The following DUSP18 variants were observed in gnomAD, a reference collection of about 807,000 sequenced individuals.
DUSP18 encodes dual specificity protein phosphatase 18.
In DUSP18, 4 loss-of-function variants were observed where a neutral mutation model predicts 6.3. The ratio of observed to expected loss-of-function variants is 0.63; its 90% CI spans 0.31 to 1.45. The LOEUF (loss-of-function observed/expected upper bound fraction) is 1.45. DUSP18 is among the 40% of genes most tolerant of loss of function. The probability of loss-of-function intolerance (pLI) is 0.07; values close to 1 mark genes in which losing one functional copy is unlikely to be tolerated. For synonymous variants in DUSP18, 96 were observed against 95.1 expected (o/e 1.01, Z -0.05); for missense variants, 235 against 247.7 (o/e 0.95, Z 0.34).
intron 2 of DUSP18, chr22:30,653,861 A>G (rs1035309198): frequency 6.5e-6 from 1 of 154,862 alleles, no homozygotes; most frequent in Non-Finnish European, 1.4e-5. Context: ...TGAGGAGTAA[A>G]CAGTCTTTAT....
downstream of DUSP18, among the ~76,000 whole-genome samples, chr22:30,660,311 A>AAT (rs1555900647): frequency 1.6e-4 from 24 of 151,132 alleles, 4 homozygotes; most frequent in Admixed American, 1.5e-3. Context: ...AGAGAAAAAA[A>AAT]TTTTTTTTTT....
intron 2 of DUSP18, among the ~76,000 whole-genome samples, chr22:30,653,622 C>T (rs896622541): frequency 6.6e-6 from 1 of 152,044 alleles, no homozygotes; most frequent in Admixed American, 6.6e-5. Flanking sequence ...ACCCGCCCCC[C>T]CTCGGCCTCC....
intron 2 of DUSP18, among the ~76,000 whole-genome samples, chr22:30,653,083 C>A (rs5994329): frequency 0.19 from 29,147 of 152,124 alleles, 3,551 homozygotes; most frequent in African/African-American, 0.33. Context: ...CCTCCCTAAC[C>A]AAGTATTGCA....
rs140868621 is a variant in DUSP18, at chr22:30,652,177, G to T, written c.*154C>A. On this transcript the variant is annotated 3_prime_UTR_variant, in exon 3 of 3. Transcript: ENST00000404885. ...ACAGGAGTGCTGATTGGTCAGGGAT[G>T]AAATCACAGGATGTTGAAGCTGTTT... The T allele has an allele frequency of 6.6e-5, 10 of 152,342 alleles. No homozygotes were observed. The East Asian group carries it at 1.9e-3, about 29-fold the overall frequency. The allele number at this position is 152,342 out of a possible 1,614,324, so 9.4% of individuals were successfully genotyped here. A position where few individuals can be genotyped will look rare whatever the true frequency, so the allele number is the denominator to read the frequency against.
Position 30,667,645 on chromosome 22 carries a change from G to C in DUSP18, c.-261C>G, listed in dbSNP as rs1423527445. ...AGGAATAGCCTGTGCCGGGTCTTCA[G>C]AGAAATCCTGGCCTCGGCTCCACGC... On this transcript the variant is annotated 5_prime_UTR_variant, in exon 1 of 2. Coordinates refer to ENST00000334679, the MANE Select transcript of DUSP18 (RefSeq NM_152511.5). The C allele has an allele frequency of 1.3e-5, 2 of 152,698 alleles. No individual in the cohort carries two copies. Among genetic ancestry groups the C allele is most frequent in the African/African-American group, 2.4e-5 (1 of 41,472 alleles). 9.5% of individuals were successfully genotyped at this position (152,698 alleles called of 1,614,324 possible). A position where few individuals can be genotyped will look rare whatever the true frequency, so the allele number is the denominator to read the frequency against.
At chr22:30,658,190 C>T (rs1379900130), downstream of DUSP18, among the ~76,000 whole-genome samples, 1 of 151,460 alleles carries the variant, frequency 6.6e-6, no homozygotes, top group Non-Finnish European at 1.5e-5. Flanking sequence ...TCTGTCTCTC[C>T]CACTGGCTGC....
downstream of DUSP18, among the ~76,000 whole-genome samples, chr22:30,658,802 G>T (rs535678554): frequency 6.6e-6 from 1 of 152,098 alleles, no homozygotes. Flanking sequence ...CTGCTCACTG[G>T]GGGGCATAAG....
At chr22:30,653,339 G>A (rs1045294989) in intron 2 of DUSP18, among the ~76,000 whole-genome samples, 5 of 151,240 alleles carry the variant, frequency 3.3e-5, no homozygotes, top group African/African-American at 1.2e-4. Flanking sequence ...GCCCTATCCC[G>A]ACTGCCACAA....
chr22:30,663,843 A>T lies in DUSP18; in HGVS notation c.161T>A (p.Val54Glu). ...CTCATACAAGGTGTTCACTACCTCC[A>T]CTGAGACATTGATGACCATGGTGAT... ...NQITMVINVSVEVVNTLYEDI... is the reference protein window; with the variant it reads ...NQITMVINVSEEVVNTLYEDI... The change falls in exon 2 of 2, where the codon GTG becomes GAG. Residue 54 changes from valine to glutamate, a missense_variant. By Grantham distance (121) the Val-to-Glu change is moderately radical. Coordinates refer to ENST00000334679, the MANE Select transcript of DUSP18 (RefSeq NM_152511.5). 2.5e-6 allele frequency: 4 copies of T among 1,614,214 alleles called. No homozygotes were observed. Among genetic ancestry groups the T allele is most frequent in the Non-Finnish European group, 2.5e-6 (3 of 1,180,036 alleles).
chr22:30,659,335 G>A (rs1163021524), downstream of DUSP18, among the ~76,000 whole-genome samples: 4 of 152,096 alleles, frequency 2.6e-5, no homozygotes, highest in African/African-American at 9.7e-5. Context: ...TGGACCCTGA[G>A]ATGACCCAGA....
In DUSP18 at chr22:30,664,053, C is replaced by T. The variant is rs1375688418; in HGVS notation, c.-50G>A. On this transcript the variant is annotated 5_prime_UTR_variant, in exon 2 of 2. Coordinates refer to ENST00000334679, the MANE Select transcript of DUSP18 (RefSeq NM_152511.5). ...AGTCAGCGAAGCACGAAGGCTGCGT[C>T]TTTCTGCTAGGCTGTGTCCATGGAA... 1 of 1,524,218 alleles carries T rather than the reference C, an allele frequency of 6.6e-7. No individual in the cohort carries two copies. The highest frequency in any genetic ancestry group is 1.4e-5 in the African/African-American group (1 of 73,172). The allele number at this position is 1,524,218 out of a possible 1,614,324, so 94.4% of individuals were successfully genotyped here. A position where few individuals can be genotyped will look rare whatever the true frequency, so the allele number is the denominator to read the frequency against.
At position 30,663,909 on chromosome 22, in the gene DUSP18, CCATTG is replaced by C; in HGVS notation, c.90_94del (p.Ser30ArgfsTer12). Reference sequence around the variant, plus strand: ...CATGAGCTTGTTGTTGGCGGCCACACCATTGCTGATATACAGGCTTTTGGTTATCT... The same window carrying C: ...CATGAGCTTGTTGTTGGCGGCCACACCTGATATACAGGCTTTTGGTTATCT... On this transcript the variant is annotated frameshift_variant, in exon 2 of 2. Transcript: ENST00000334679. LOFTEE classifies it high-confidence loss of function. The C allele has an allele frequency of 6.2e-7, 1 of 1,614,198 alleles. No homozygotes were observed. The highest frequency in any genetic ancestry group is 8.5e-7 in the Non-Finnish European group (1 of 1,180,030).
At chr22:30,664,257 C>T (rs2088574704) in intron 1 of DUSP18, among the ~76,000 whole-genome samples, 177 bp from the exon 2 acceptor site, 1 of 152,196 alleles carries the variant, frequency 6.6e-6, no homozygotes, top group Admixed American at 6.5e-5. Flanking sequence ...TCTCCAAACC[C>T]ACAGTCAGAC....
intron 1 of DUSP18, chr22:30,665,685 C>T (rs568022085): frequency 5.1e-5 from 18 of 355,506 alleles, no homozygotes; most frequent in South Asian, 2.5e-4. Flanking sequence ...AGTTTTGCTC[C>T]GATCTGTCTG....
downstream of DUSP18, among the ~76,000 whole-genome samples, chr22:30,656,681 C>CT (rs1215927528): frequency 2.0e-5 from 3 of 152,180 alleles, no homozygotes; most frequent in Non-Finnish European, 4.4e-5. Flanking sequence ...CTGCTCTACT[C>CT]TGAGTCCAAA....
chr22:30,661,895 A>AG lies in DUSP18; in HGVS notation c.*1541dup, dbSNP rs1440163644. 6.6e-6 allele frequency: 1 copy of AG among 152,152 alleles called. No individual in the cohort carries two copies. Among genetic ancestry groups the AG allele is most frequent in the Admixed American group, 6.6e-5 (1 of 15,260 alleles). 9.4% of individuals were successfully genotyped at this position (152,152 alleles called of 1,614,324 possible). A position where few individuals can be genotyped will look rare whatever the true frequency, so the allele number is the denominator to read the frequency against. On this transcript the variant is annotated 3_prime_UTR_variant, in exon 2 of 2. Coordinates refer to ENST00000334679, the MANE Select transcript of DUSP18 (RefSeq NM_152511.5). ...AACAAGGCTGCAGTCACTGTTTAGA[A>AG]GTGATTGGGGGAAGCTGGAACTGTG...
intron 2 of DUSP18, chr22:30,654,826 G>T: frequency 5.4e-6 from 1 of 185,630 alleles, no homozygotes; most frequent in Non-Finnish European, 1.1e-5. Context: ...TTCGGCAGCC[G>T]CCTGGGAAAG....
At chr22:30,657,829 G>A (rs546147316), downstream of DUSP18, among the ~76,000 whole-genome samples, 400 of 150,392 alleles carry the variant, frequency 2.7e-3, 6 homozygotes, top group Admixed American at 0.023. Flanking sequence ...ACGTGAACTC[G>A]GGAGGCGGAG....
At chr22:30,658,135 C>T (rs929329926), downstream of DUSP18, among the ~76,000 whole-genome samples, 1 of 150,754 alleles carries the variant, frequency 6.6e-6, no homozygotes, top group African/African-American at 2.4e-5. Flanking sequence ...TTAAAAAAAA[C>T]TGAATCTCTC....
Sources: allele counts gnomAD v4.1 joint callset (sites outside exome capture counted in the v4.1 genomes callset), GRCh38; gene constraint gnomAD v4.1.1; transcripts MANE v1.5; gene names NCBI Gene and HGNC (gene_info 2026-07-23, HGNC 2026-07-21).